TMEM181: variants seen among roughly 807,000 people sequenced by gnomAD.
The protein encoded by TMEM181 is transmembrane protein 181, also known as G protein-coupled receptor 178.
TMEM181 carries 39 observed loss-of-function variants against 71.9 expected under a neutral mutation model. The observed-to-expected ratio is 0.54, with a 90% CI of 0.42 to 0.71. TMEM181 has a LOEUF of 0.71. Among genes scored for constraint, TMEM181 ranks in the 30% least tolerant of loss-of-function variants. The pLI is 0.00. For synonymous variants in TMEM181, 245 were observed against 228.8 expected, an observed-to-expected ratio of 1.07 and a Z score of -0.64; for missense variants, 595 against 583.0, an observed-to-expected ratio of 1.02 and a Z score of -0.21.
chr6:158,580,731 G>A (rs1469660482), intron 2 of TMEM181, among the ~76,000 whole-genome samples: 3 of 152,166 alleles, frequency 2.0e-5, no homozygotes, highest in Non-Finnish European at 4.4e-5. Context: ...CTTGTGTTGG[G>A]AAGTCGTGAA....
intron 10 of TMEM181, among the ~76,000 whole-genome samples, chr6:158,623,119 T>G (rs1381705170): frequency 6.6e-6 from 1 of 152,152 alleles, no homozygotes; most frequent in African/African-American, 2.4e-5. Context: ...CTGTCCCCAA[T>G]TCCCTGTCAT....
intron 7 of TMEM181, among the ~76,000 whole-genome samples, chr6:158,606,426 C>T (rs928048882): frequency 1.8e-4 from 28 of 152,334 alleles, no homozygotes; most frequent in Admixed American, 5.9e-4. Flanking sequence ...TGCTTCTTCT[C>T]AAAGGCTCTC....
intron 3 of TMEM181, among the ~76,000 whole-genome samples, chr6:158,582,875 T>C (rs1428615210): frequency 6.6e-6 from 1 of 152,122 alleles, no homozygotes; most frequent in Non-Finnish European, 1.5e-5. Flanking sequence ...GGTGTTAAGA[T>C]TTTCTTTCAG....
chr6:158,619,957 T>C (rs531011509), intron 10 of TMEM181, among the ~76,000 whole-genome samples: 9 of 151,552 alleles, frequency 5.9e-5, no homozygotes, highest in African/African-American at 2.2e-4. Context: ...ATAGGGAACC[T>C]CTTGCCATTT....
At chr6:158,547,416 C>G (rs919692706) in intron 1 of TMEM181, among the ~76,000 whole-genome samples, 2 of 152,182 alleles carry the variant, frequency 1.3e-5, no homozygotes, top group Non-Finnish European at 2.9e-5. Flanking sequence ...ATACTGAGAC[C>G]CACTGTCTTA....
At chr6:158,556,088 C>T (rs1781874538), upstream of TMEM181, among the ~76,000 whole-genome samples, 1 of 152,212 alleles carries the variant, frequency 6.6e-6, no homozygotes, top group South Asian at 2.1e-4. Context: ...CTCAAACCAG[C>T]ATGTCTTTCT....
intron 5 of TMEM181, among the ~76,000 whole-genome samples, chr6:158,587,574 C>T (rs1333132654): frequency 6.6e-6 from 1 of 151,992 alleles, no homozygotes; most frequent in Non-Finnish European, 1.5e-5. Flanking sequence ...AAGCAATCCT[C>T]CTGCTTCAGC....
chr6:158,600,167 GT>G (rs1366602783), intron 6 of TMEM181, among the ~76,000 whole-genome samples: 1 of 151,982 alleles, frequency 6.6e-6, no homozygotes, highest in Non-Finnish European at 1.5e-5. Flanking sequence ...TTGTTTTCTA[GT>G]GTTAATTTTT....
chr6:158,567,948 G>A (rs150951028), intron 1 of TMEM181, among the ~76,000 whole-genome samples: 233 of 152,258 alleles, frequency 1.5e-3, no homozygotes, highest in African/African-American at 5.0e-3. Context: ...AGTTGGCTGC[G>A]GGGCACTGTA....
chr6:158,546,967 AAAAC>A lies in TMEM181; in HGVS notation c.131+10114_131+10117del, dbSNP rs559587741. 1.7e-3 allele frequency among the ~76,000 whole-genome samples: 250 copies of A among 151,204 alleles called. 1 individual carries two copies. Among genetic ancestry groups the A allele is most frequent in the African/African-American group, 4.1e-3 (166 of 40,850 alleles). ...ACAGCGAGACTCCATCTCAAAAACA[AAAAC>A]AAACAAACAAATAAAGAATACTGAT... On this transcript the variant is annotated intron_variant, in intron 1 of 16. Transcript: ENST00000367090.
chr6:158,536,657 T>G (rs1249355400), exon 1 of TMEM181: 2 of 1,499,884 alleles, frequency 1.3e-6, no homozygotes, highest in South Asian at 1.3e-5. Flanking sequence ...CGATCCCCAG[T>G]GCTGGGAGAA....
At chr6:158,585,607 C>T (rs923435754) in intron 5 of TMEM181, among the ~76,000 whole-genome samples, 182 bp downstream of exon 5, 6 of 152,182 alleles carry the variant, frequency 3.9e-5, no homozygotes, top group African/African-American at 1.4e-4. Flanking sequence ...CAGTTGGATA[C>T]CCTTAAAAAT....
At chr6:158,607,500 A>G (rs1247608482) in intron 8 of TMEM181, among the ~76,000 whole-genome samples, 157 bp downstream of exon 8, 2 of 152,170 alleles carry the variant, frequency 1.3e-5, no homozygotes, top group African/African-American at 4.8e-5. Flanking sequence ...TAACATAGCA[A>G]GACTCTACAA....
intron 10 of TMEM181, among the ~76,000 whole-genome samples, chr6:158,614,840 G>A (rs1785527974): frequency 6.6e-6 from 1 of 152,166 alleles, no homozygotes; most frequent in South Asian, 2.1e-4. Context: ...TGGCTGCATA[G>A]TATTCCATGG....
At chr6:158,628,936 G>A (rs754294195) in intron 14 of TMEM181, among the ~76,000 whole-genome samples, 2 of 152,188 alleles carry the variant, frequency 1.3e-5, no homozygotes, top group African/African-American at 2.4e-5. Context: ...GTCTCCCCCC[G>A]GGATATCTCT....
upstream of TMEM181, among the ~76,000 whole-genome samples, chr6:158,559,704 T>C (rs1562619422): frequency 6.6e-6 from 1 of 152,212 alleles, no homozygotes; most frequent in Non-Finnish European, 1.5e-5. Flanking sequence ...ACAAGACCCT[T>C]AGGGAATGAA....
At chr6:158,602,984 G>A (rs1333787212) in intron 6 of TMEM181, among the ~76,000 whole-genome samples, 2 of 152,176 alleles carry the variant, frequency 1.3e-5, no homozygotes, top group Non-Finnish European at 2.9e-5. Flanking sequence ...TTCGTCTAAT[G>A]TAATAATGTT....
chr6:158,599,780 G>C (rs1195225855), intron 6 of TMEM181, among the ~76,000 whole-genome samples: 1 of 152,252 alleles, frequency 6.6e-6, no homozygotes, highest in Non-Finnish European at 1.5e-5. Context: ...CCTACTCTCG[G>C]GGCTTCCTGC....
At chr6:158,618,236 C>T (rs897624156) in intron 10 of TMEM181, among the ~76,000 whole-genome samples, 5 of 152,156 alleles carry the variant, frequency 3.3e-5, no homozygotes, top group East Asian at 3.8e-4. Flanking sequence ...TATGTAATGG[C>T]CTTCTTTGTC....
Sources: gnomAD v4.1 joint callset for allele counts (sites outside exome capture counted in the v4.1 genomes callset) on GRCh38, gnomAD v4.1.1 for gene constraint, MANE v1.5 for transcripts, NCBI Gene and HGNC (gene_info 2026-07-23, HGNC 2026-07-21) for gene names.